The following GFOD2 variants were observed in gnomAD, a reference collection of about 807,000 sequenced individuals.
The protein encoded by GFOD2 is glucose-fructose oxidoreductase domain-containing protein 2.
A neutral mutation model predicts 24.6 loss-of-function variants in GFOD2; 9 were observed. The ratio of observed to expected loss-of-function variants is 0.37; its 90% CI spans 0.22 to 0.64. The LOEUF (loss-of-function observed/expected upper bound fraction) is 0.64. GFOD2 is among the 30% of genes least tolerant of loss of function. GFOD2 has a pLI of 0.65. For synonymous variants in GFOD2, 211 were observed against 224.8 expected (o/e 0.94, Z 0.55); for missense variants, 476 against 532.5 (o/e 0.89, Z 1.04).
chr16:67,710,013 T>C (rs2053462662), intron 1 of GFOD2, among the ~76,000 whole-genome samples: 1 of 152,108 alleles, frequency 6.6e-6, no homozygotes. Context: ...TGGTGCACTC[T>C]TGGCTCACCA....
chr16:67,710,800 T>C (rs2053468406), intron 1 of GFOD2, among the ~76,000 whole-genome samples: 1 of 152,192 alleles, frequency 6.6e-6, no homozygotes, highest in South Asian at 2.1e-4. Context: ...CACTGACCCC[T>C]ACCCTGCTCC....
At chr16:67,684,435 C>T (rs923255594) in intron 2 of GFOD2, 1 of 151,372 alleles carries the variant, frequency 6.6e-6, no homozygotes, top group African/African-American at 2.4e-5. Flanking sequence ...GTGGCTCACA[C>T]CTGTAATCCC....
At chr16:67,699,436 A>T (rs913627958) in intron 1 of GFOD2, among the ~76,000 whole-genome samples, 3 of 152,188 alleles carry the variant, frequency 2.0e-5, no homozygotes, top group African/African-American at 7.2e-5. Context: ...AGGCTGGCTC[A>T]ACATTCTAAA....
At chr16:67,676,231 C>T (rs994355187) in intron 2 of GFOD2, 178 bp from the exon 3 acceptor site, 12 of 629,940 alleles carry the variant, frequency 1.9e-5, no homozygotes, top group Non-Finnish European at 3.0e-5. Context: ...CTCCTGGCCT[C>T]AAGCGATCCT....
intron 1 of GFOD2, among the ~76,000 whole-genome samples, chr16:67,711,442 T>C (rs144398819): frequency 6.6e-6 from 1 of 152,204 alleles, no homozygotes; most frequent in African/African-American, 2.4e-5. Flanking sequence ...GTGACTGTAG[T>C]AACCATGGCT....
chr16:67,699,737 G>A (rs2053387429), intron 1 of GFOD2, among the ~76,000 whole-genome samples: 10 of 151,560 alleles, frequency 6.6e-5, no homozygotes, highest in Admixed American at 6.6e-4. Flanking sequence ...ACCAGCCTCA[G>A]CCTCCCAAAG....
chr16:67,712,148 TA>T lies in GFOD2; in HGVS notation c.-88+7014del, dbSNP rs780629778. ...CCTAGTTCCTGCACAGTCAATAAAC[TA>T]AGACATATATACTGAGCCCATCAAA... On this transcript the variant is annotated intron_variant, in intron 1 of 2. Coordinates refer to ENST00000268797, the MANE Select transcript of GFOD2 (RefSeq NM_030819.4). Among the ~76,000 whole-genome samples the T allele has an allele frequency of 1.8e-3, 280 of 152,292 alleles. 3 individuals carry two copies. Among genetic ancestry groups the T allele is most frequent in the Non-Finnish European group, 3.5e-3 (240 of 68,032 alleles).
chr16:67,709,210 G>A (rs901614512), intron 1 of GFOD2, among the ~76,000 whole-genome samples: 3 of 151,960 alleles, frequency 2.0e-5, no homozygotes, highest in Non-Finnish European at 4.4e-5. Context: ...GAGGAGACTG[G>A]GGTGGGAGGA....
chr16:67,700,411 T>C (rs2053393608), intron 1 of GFOD2, among the ~76,000 whole-genome samples: 1 of 151,152 alleles, frequency 6.6e-6, no homozygotes. Flanking sequence ...AAAAATAAAA[T>C]CAATTACTAT....
chr16:67,685,375 G>C (rs760125532), intron 2 of GFOD2, 82 bp downstream of exon 2: 4 of 1,590,538 alleles, frequency 2.5e-6, no homozygotes, highest in Non-Finnish European at 3.4e-6. Flanking sequence ...AGGAAGGAGA[G>C]CTCAGAGGAG....
intron 2 of GFOD2, among the ~76,000 whole-genome samples, chr16:67,679,322 TC>T (rs1451984841): frequency 2.0e-4 from 30 of 151,238 alleles, no homozygotes; most frequent in Non-Finnish European, 4.0e-4. Context: ...AACCTCTGCC[TC>T]CTGGGTTCAA....
intron 1 of GFOD2, among the ~76,000 whole-genome samples, chr16:67,710,614 A>G (rs1013106386): frequency 8.7e-5 from 13 of 148,800 alleles, no homozygotes; most frequent in Non-Finnish European, 1.5e-4. Context: ...CACCCACCTC[A>G]GCCTCCCAAA....
chr16:67,679,679 G>C (rs532975878), intron 2 of GFOD2, among the ~76,000 whole-genome samples: 24 of 151,910 alleles, frequency 1.6e-4, no homozygotes, highest in African/African-American at 5.1e-4. Flanking sequence ...ACGAGGTCAG[G>C]GGTTCGAGAC....
intron 1 of GFOD2, among the ~76,000 whole-genome samples, chr16:67,698,976 A>G (rs1238089004): frequency 6.6e-6 from 1 of 152,160 alleles, no homozygotes. Context: ...AATAAAATAA[A>G]TAACTGAACT....
intron 1 of GFOD2, among the ~76,000 whole-genome samples, chr16:67,688,894 C>A (rs2053289237): frequency 6.6e-6 from 1 of 151,554 alleles, no homozygotes; most frequent in African/African-American, 2.4e-5. Context: ...CCCCACCATG[C>A]CCAGCTAATT....
intron 2 of GFOD2, chr16:67,677,930 C>G (rs1168643016): frequency 6.6e-6 from 1 of 152,226 alleles, no homozygotes; most frequent in African/African-American, 2.4e-5. Context: ...GTGCCTTCTC[C>G]AGGTATGTGC....
intron 2 of GFOD2, chr16:67,680,735 CTCT>C: frequency 1.0e-6 from 1 of 976,980 alleles, no homozygotes; most frequent in Non-Finnish European, 1.2e-6. Context: ...ATCATTCAAT[CTCT>C]TCAATTTATT....
chr16:67,682,400 T>A (rs1327221297), intron 2 of GFOD2: 1 of 985,306 alleles, frequency 1.0e-6, no homozygotes, highest in Non-Finnish European at 1.2e-6. Context: ...AAGCCCACCT[T>A]TTAGTGACAG....
chr16:67,679,214 GTAAA>G (rs1263445395), intron 2 of GFOD2, among the ~76,000 whole-genome samples: 1 of 151,496 alleles, frequency 6.6e-6, no homozygotes, highest in Non-Finnish European at 1.5e-5. Context: ...CATTTTCCAG[GTAAA>G]TAATTTCTTT....
Sources: allele counts gnomAD v4.1 joint callset (sites outside exome capture counted in the v4.1 genomes callset), GRCh38; gene constraint gnomAD v4.1.1; transcripts MANE v1.5; gene names NCBI Gene and HGNC (gene_info 2026-07-23, HGNC 2026-07-21).